G3BP2: variants seen among roughly 807,000 people sequenced by gnomAD.
The protein encoded by G3BP2 is G3BP stress granule assembly factor 2.
Under a neutral mutation model 56.7 loss-of-function variants are expected in G3BP2, and 11 were observed. The observed-to-expected ratio is 0.19, with a 90% CI of 0.12 to 0.32. The LOEUF is 0.32. Ranked by LOEUF, G3BP2 falls within the 10% of genes least tolerant of loss-of-function variation. The pLI is 1.00. For missense variants in G3BP2, 340 were observed against 610.9 expected, an observed-to-expected ratio of 0.56 and a Z score of 4.67; for synonymous variants, 165 against 191.6, an observed-to-expected ratio of 0.86 and a Z score of 1.15.
At chr4:75,648,388 T>C (rs1731405601) in intron 9 of G3BP2, among the ~76,000 whole-genome samples, 2 of 149,122 alleles carry the variant, frequency 1.3e-5, no homozygotes, top group African/African-American at 4.9e-5. Flanking sequence ...CAAAAAACCG[T>C]GACAATAACC....
chr4:75,676,912 G>T (rs538885535), upstream of G3BP2, among the ~76,000 whole-genome samples: 1 of 152,118 alleles, frequency 6.6e-6, no homozygotes. Flanking sequence ...TCTTACCACT[G>T]GTTTTCTCAC....
chr4:75,656,892 C>G, intron 5 of G3BP2, 32 bp downstream of exon 5: 1 of 991,804 alleles, frequency 1.0e-6, no homozygotes, highest in Non-Finnish European at 1.6e-6. Flanking sequence ...CAACAGAACC[C>G]TTCTATCTTC....
Position 75,643,065 on chromosome 4 carries a change from C to T in G3BP2, c.*2365G>A, listed in dbSNP as rs1010898753. Reference sequence around the variant, plus strand: ...CAGTAATGGTAGATGAATATTTTTACTCTGTTTCACTGAAAAGAGGACAAA... The same window carrying T: ...CAGTAATGGTAGATGAATATTTTTATTCTGTTTCACTGAAAAGAGGACAAA... On this transcript the variant is annotated 3_prime_UTR_variant, in exon 12 of 12. Coordinates refer to ENST00000359707, the MANE Select transcript of G3BP2 (RefSeq NM_203505.3). 5 of 151,900 alleles carry T rather than the reference C, an allele frequency of 3.3e-5. No individual in the cohort carries two copies. Among genetic ancestry groups the T allele is most frequent in the East Asian group, 1.9e-4 (1 of 5,198 alleles). 9.4% of individuals were successfully genotyped at this position (151,900 alleles called of 1,614,324 possible).
chr4:75,694,920 A>C, intron 3 of G3BP2: 1 of 985,726 alleles, frequency 1.0e-6, no homozygotes, highest in Non-Finnish European at 1.2e-6. Flanking sequence ...CGATAAGGAC[A>C]TGAAGGAAAC....
At chr4:75,690,289 G>A (rs975543906) in intron 3 of G3BP2, among the ~76,000 whole-genome samples, 1 of 152,122 alleles carries the variant, frequency 6.6e-6, no homozygotes, top group African/African-American at 2.4e-5. Context: ...CAAAAGCCGG[G>A]TGTGGTGGTG....
chr4:75,649,223 A>G (rs1241901337), intron 8 of G3BP2: 4 of 152,502 alleles, frequency 2.6e-5, no homozygotes, highest in Admixed American at 2.6e-4. Context: ...CCATAACCTT[A>G]AAATCAGTAT....
intron 3 of G3BP2, among the ~76,000 whole-genome samples, chr4:75,701,818 T>G (rs1719356570): frequency 6.6e-6 from 1 of 152,170 alleles, no homozygotes; most frequent in Admixed American, 6.5e-5. Flanking sequence ...CCACTTATAT[T>G]CTACCCACTG....
chr4:75,678,487 T>TAAAACA (rs921958768), intron 3 of G3BP2, among the ~76,000 whole-genome samples: 1 of 152,176 alleles, frequency 6.6e-6, no homozygotes, highest in Non-Finnish European at 1.5e-5. Flanking sequence ...CCAAATAGAC[T>TAAAACA]AAAACAAATG....
At chr4:75,694,518 G>A (rs979523995) in intron 3 of G3BP2, among the ~76,000 whole-genome samples, 1 of 152,144 alleles carries the variant, frequency 6.6e-6, no homozygotes, top group African/African-American at 2.4e-5. Flanking sequence ...GCAGGAGAAT[G>A]GCGCGAACCC....
chr4:75,700,245 G>A (rs1000033236), intron 3 of G3BP2, among the ~76,000 whole-genome samples: 2 of 151,238 alleles, frequency 1.3e-5, no homozygotes, highest in Non-Finnish European at 1.5e-5. Context: ...GTAGAGACGG[G>A]GTTTGACCAC....
At position 75,698,573 on chromosome 4, in the gene G3BP2, A is replaced by G. The variant is rs572033486; in HGVS notation, c.-25+22304T>C. ...ATATTTCCCACCAATTTACCCTCCT[A>G]CTCTCCTAGACAGCTATTTTACAGC... On this transcript the variant is annotated intron_variant, in intron 3 of 3. Coordinates refer to the G3BP2 transcript ENST00000499709. 1.6e-4 allele frequency among the ~76,000 whole-genome samples: 25 copies of G among 151,762 alleles called. No individual in the cohort carries two copies. In the South Asian group the frequency reaches 4.8e-3, roughly 29 times the overall value.
rs772997546 is a variant in G3BP2, at chr4:75,645,396, G to A, written c.*34C>T. ...CAAGAATGCAAACACGATGAATAAT[G>A]TACCACTGCCAAGACTTTGCCAACA... On this transcript the variant is annotated 3_prime_UTR_variant, in exon 12 of 12. Transcript: ENST00000359707. 15 of 1,586,524 alleles carry A rather than the reference G, an allele frequency of 9.5e-6. No individual in the cohort carries two copies. Among genetic ancestry groups the A allele is most frequent in the South Asian group, 7.9e-5 (7 of 88,518 alleles).
intron 3 of G3BP2, among the ~76,000 whole-genome samples, chr4:75,695,725 A>G (rs545176967): frequency 1.3e-5 from 2 of 152,302 alleles, no homozygotes; most frequent in African/African-American, 4.8e-5. Context: ...CTGTAATCCC[A>G]GCATTTTGGG....
chr4:75,645,690 G>A lies in G3BP2; in HGVS notation c.1189C>T (p.Arg397Ter), dbSNP rs1731163723. The change falls in exon 12 of 12, where the codon CGA (arginine) becomes TGA (stop). Residue 397 changes from arginine to a stop codon, truncating the protein, a stop_gained. Coordinates refer to ENST00000359707, the MANE Select transcript of G3BP2 (RefSeq NM_203505.3). LOFTEE classifies it high-confidence loss of function. ...RILIAKPIMF[R>*]GEVRLNVEEK... The stretch of plus-strand genomic sequence containing the variant: ...TCCACATTTAAACGTACTTCCCCTC[G>A]AAACATAATCGGCTTTATAAAAGAG... The A allele has an allele frequency of 1.2e-6, 2 of 1,613,416 alleles. No individual in the cohort carries two copies. The highest frequency in any genetic ancestry group is 1.7e-6 in the Non-Finnish European group (2 of 1,179,786).
intron 3 of G3BP2, among the ~76,000 whole-genome samples, chr4:75,691,890 T>A (rs906148467): frequency 2.6e-5 from 4 of 152,090 alleles, no homozygotes; most frequent in Non-Finnish European, 4.4e-5. Context: ...ACACGCATAC[T>A]CCTCAGGTGA....
rs150943953 is a variant in G3BP2, at chr4:75,716,156, T to C, written c.-25+4721A>G. Among the ~76,000 whole-genome samples the C allele has an allele frequency of 6.8e-3, 1,042 of 152,196 alleles. 40 individuals are homozygous for C. Among genetic ancestry groups the C allele is most frequent in the Admixed American group, 0.063 (964 of 15,246 alleles). ...GGGAGAGGGCAGTGGGAAGGGCAAGTTGGAGCTTTTCTAGTTCTTTTTTTT... is the reference window on the plus strand; with the variant it reads ...GGGAGAGGGCAGTGGGAAGGGCAAGCTGGAGCTTTTCTAGTTCTTTTTTTT... On this transcript the variant is annotated intron_variant, in intron 3 of 3. Coordinates refer to the G3BP2 transcript ENST00000499709.
chr4:75,722,059 C>G (rs967311814), intron 2 of G3BP2, among the ~76,000 whole-genome samples: 1 of 152,056 alleles, frequency 6.6e-6, no homozygotes, highest in South Asian at 2.1e-4. Context: ...TTAAAGGATG[C>G]AAACAGGAAT....
At chr4:75,706,407 A>G (rs996719291) in intron 3 of G3BP2, among the ~76,000 whole-genome samples, 5 of 152,176 alleles carry the variant, frequency 3.3e-5, no homozygotes, top group African/African-American at 1.2e-4. Context: ...TTCTGGAGCT[A>G]GATTGGGCTT....
intron 3 of G3BP2, among the ~76,000 whole-genome samples, chr4:75,681,961 G>A (rs958243420): frequency 2.6e-5 from 4 of 152,092 alleles, no homozygotes; most frequent in African/African-American, 7.2e-5. Flanking sequence ...AGTGAAACTG[G>A]GATAGTTGAT....
Sources: allele counts gnomAD v4.1 joint callset (sites outside exome capture counted in the v4.1 genomes callset), GRCh38; gene constraint gnomAD v4.1.1; transcripts MANE v1.5; gene names NCBI Gene and HGNC (gene_info 2026-07-23, HGNC 2026-07-21).